The following MACROD1 variants were observed in gnomAD, a reference collection of about 807,000 sequenced individuals.
MACROD1 encodes the protein mono-ADP ribosylhydrolase 1, also known as ADP-ribose glycohydrolase MACROD1.
MACROD1 carries 31 observed loss-of-function variants against 41.4 expected under a neutral mutation model. That is an observed-to-expected ratio of 0.75 (90% CI 0.56 to 1.01). The LOEUF is 1.01. Among genes scored for constraint, MACROD1 ranks in the 50% least tolerant of loss-of-function variants. The pLI, the probability that MACROD1 is intolerant of heterozygous loss-of-function variation, is 0.00. For synonymous variants in MACROD1, 252 were observed against 203.4 expected (o/e 1.24, Z -2.03); for missense variants, 473 against 460.0 (o/e 1.03, Z -0.26).
chr11:64,007,143 C>T (rs1477497360), intron 4 of MACROD1, among the ~76,000 whole-genome samples: 8 of 152,228 alleles, frequency 5.3e-5, no homozygotes, highest in African/African-American at 1.4e-4. Flanking sequence ...CTGCCTCCCG[C>T]GCCCCTCCTA....
At chr11:64,083,923 AG>A (rs1944347180) in intron 3 of MACROD1, among the ~76,000 whole-genome samples, 1 of 152,190 alleles carries the variant, frequency 6.6e-6, no homozygotes, top group South Asian at 2.1e-4. Flanking sequence ...CCCCGTGGGC[AG>A]GGGCACATAT....
In MACROD1 at chr11:63,999,538, C is replaced by T; in HGVS notation, c.809G>A (p.Gly270Asp). Residue 270 changes from glycine to aspartate, a missense_variant, in exon 7 of 11, where the codon GGC becomes GAC. Transcript: ENST00000255681. ...RSVAFPCIST[G>D]VFGYPCEAAA... is the part of the protein sequence containing the mutation. ...CTTTCTTCCAGACTCACCAAACACGCCGGTGGAGATGCAGGGGAACGCCTG... is the reference window on the plus strand; with the variant it reads ...CTTTCTTCCAGACTCACCAAACACGTCGGTGGAGATGCAGGGGAACGCCTG... 1.2e-6 allele frequency: 2 copies of T among 1,609,168 alleles called. No individual in the cohort carries two copies. Among genetic ancestry groups the T allele is most frequent in the African/African-American group, 2.7e-5 (2 of 75,026 alleles).
At chr11:64,148,628 G>A (rs1945529843) in intron 3 of MACROD1, 1 of 676,496 alleles carries the variant, frequency 1.5e-6, no homozygotes, top group African/African-American at 2.0e-5. Flanking sequence ...TTATAATCAA[G>A]TCAAATAGAA....
rs373973131 is a variant in MACROD1 at position 64,032,171 on chromosome 11, C to T, written c.518-16890G>A. ...TGAGTCAAGTCACCTCCTTCCCCTG[C>T]CCCCAGCTGAGAACAGGCCCAAGTG... On this transcript the variant is annotated intron_variant, in intron 3 of 10. Transcript: ENST00000255681. Among the ~76,000 whole-genome samples, 43 of 152,286 alleles carry T rather than the reference C, an allele frequency of 2.8e-4. No homozygotes were observed. In the South Asian group the frequency reaches 8.3e-3, roughly 29 times the overall value.
In MACROD1 at chr11:64,122,681, G is replaced by A. The variant is rs1316643371; in HGVS notation, c.517+28558C>T. On this transcript the variant is annotated intron_variant, in intron 3 of 10. Coordinates refer to ENST00000255681, the MANE Select transcript of MACROD1 (RefSeq NM_014067.4). The surrounding 1 kb of genome is among the most constrained non-coding windows in gnomAD (Gnocchi z 4.0). ...CCTTCTGTAAAGTGGGGGTGTGCTA[G>A]GGAGGGGTCCAGCGTCACTCAGGAA... Among the ~76,000 whole-genome samples the A allele has an allele frequency of 6.6e-6, 1 of 152,204 alleles. No individual in the cohort carries two copies. Among genetic ancestry groups the A allele is most frequent in the Non-Finnish European group, 1.5e-5 (1 of 68,042 alleles).
In MACROD1 at chr11:64,082,709, C is replaced by T. The variant is rs1944326064; in HGVS notation, c.518-67428G>A. ...ACCCTGCAGGCCCCTGGGTCTCACA[C>T]AAGGAATGTGGAGCATCCTCCTGAG... On this transcript the variant is annotated intron_variant, in intron 3 of 10. Coordinates refer to ENST00000255681, the MANE Select transcript of MACROD1 (RefSeq NM_014067.4). The surrounding 1 kb of genome is among the most constrained non-coding windows in gnomAD (Gnocchi z 4.5). Among the ~76,000 whole-genome samples, 1 of 152,170 alleles carries T rather than the reference C, an allele frequency of 6.6e-6. No homozygotes were observed. The highest frequency in any genetic ancestry group is 2.4e-5 in the African/African-American group (1 of 41,436).
At chr11:64,164,256 G>A (rs1459672117) in intron 1 of MACROD1, among the ~76,000 whole-genome samples, 1 of 152,212 alleles carries the variant, frequency 6.6e-6, no homozygotes, top group Non-Finnish European at 1.5e-5. Flanking sequence ...CGAAGCAAAA[G>A]GGAGACCCCA....
intron 3 of MACROD1, among the ~76,000 whole-genome samples, chr11:64,028,999 T>C (rs1157912719): frequency 6.6e-6 from 1 of 152,180 alleles, no homozygotes; most frequent in Admixed American, 6.5e-5. Flanking sequence ...CCCAGGACTC[T>C]GGGAGAGGGA....
intron 3 of MACROD1, among the ~76,000 whole-genome samples, chr11:64,094,053 T>G (rs924396983): frequency 6.6e-6 from 1 of 152,130 alleles, no homozygotes; most frequent in African/African-American, 2.4e-5. Context: ...TCCCAGCACT[T>G]TGGGAGGCCA....
At chr11:64,128,264 G>T (rs1309574694) in intron 3 of MACROD1, among the ~76,000 whole-genome samples, 1 of 152,198 alleles carries the variant, frequency 6.6e-6, no homozygotes, top group African/African-American at 2.4e-5. Flanking sequence ...GGGTGCCCAG[G>T]AGGGGTGCCC....
At chr11:64,009,999 G>A (rs1462044125) in intron 4 of MACROD1, among the ~76,000 whole-genome samples, 1 of 151,676 alleles carries the variant, frequency 6.6e-6, no homozygotes, top group Non-Finnish European at 1.5e-5. Context: ...GTTGCCTGGG[G>A]TATTGGTTGG....
intron 3 of MACROD1, among the ~76,000 whole-genome samples, chr11:64,020,981 C>T (rs1209585940): frequency 2.6e-5 from 4 of 152,028 alleles, no homozygotes; most frequent in East Asian, 1.9e-4. Context: ...TCTCCCAAAG[C>T]GCTAGGATTA....
chr11:64,087,043 C>G (rs867738067), intron 3 of MACROD1: 6 of 152,168 alleles, frequency 3.9e-5, no homozygotes. Context: ...CCACAGTGAC[C>G]GACACCCCCT....
At chr11:64,111,799 T>A (rs1380786873) in intron 3 of MACROD1, among the ~76,000 whole-genome samples, 1 of 152,082 alleles carries the variant, frequency 6.6e-6, no homozygotes. Context: ...TCCTTCCCAG[T>A]CCCCAATGTA....
intron 3 of MACROD1, among the ~76,000 whole-genome samples, chr11:64,149,244 C>T (rs987505330): frequency 1.3e-5 from 2 of 152,138 alleles, no homozygotes; most frequent in Non-Finnish European, 2.9e-5. Flanking sequence ...GCTGAGTGAC[C>T]GTCATTTGCA....
At chr11:64,078,536 A>G (rs1257291132) in intron 3 of MACROD1, among the ~76,000 whole-genome samples, 2 of 152,024 alleles carry the variant, frequency 1.3e-5, no homozygotes, top group African/African-American at 4.8e-5. Flanking sequence ...CCGGGAGGGG[A>G]GCTGTCTGGG....
intron 3 of MACROD1, among the ~76,000 whole-genome samples, chr11:64,109,576 A>C (rs922990657): frequency 6.6e-6 from 1 of 151,896 alleles, no homozygotes; most frequent in Admixed American, 6.6e-5. Context: ...GGAGGTAGGG[A>C]ACTATTTCTG....
intron 3 of MACROD1, among the ~76,000 whole-genome samples, chr11:64,136,987 G>T (rs937061750): frequency 6.6e-6 from 1 of 152,246 alleles, no homozygotes; most frequent in Admixed American, 6.5e-5. Flanking sequence ...CTCTGGTGCT[G>T]AATTCATGCA....
chr11:64,162,981 C>T (rs1032743325), intron 1 of MACROD1, among the ~76,000 whole-genome samples: 2 of 152,032 alleles, frequency 1.3e-5, no homozygotes, highest in African/African-American at 4.8e-5. Flanking sequence ...ATTAGCCGGG[C>T]GTGATGGCAC....
Sources: gnomAD v4.1 joint callset for allele counts (sites outside exome capture counted in the v4.1 genomes callset) on GRCh38, gnomAD v4.1.1 for gene constraint, Gnocchi (gnomAD v3.1) non-coding constraint, MANE v1.5 for transcripts, NCBI Gene and HGNC (gene_info 2026-07-23, HGNC 2026-07-21) for gene names.